Variants in OCLN observed in about 807,000 individuals in gnomAD.
OCLN encodes phosphatase 1, regulatory subunit 115.
Under a neutral mutation model 47.9 loss-of-function variants are expected in OCLN, and 21 were observed. The ratio of observed to expected loss-of-function variants is 0.44; its 90% CI spans 0.31 to 0.63. The LOEUF is 0.63. Ranked by LOEUF, OCLN falls within the 30% of genes least tolerant of loss-of-function variation. The probability of loss-of-function intolerance (pLI) is 0.08; values close to 1 mark genes in which losing one functional copy is unlikely to be tolerated. For missense variants in OCLN, 360 were observed against 571.0 expected (o/e 0.63, Z 3.77); for synonymous variants, 117 against 198.4 (o/e 0.59, Z 3.45).
chr5:69,549,981 T>G (rs1769820847), intron 7 of OCLN, among the ~76,000 whole-genome samples: 1 of 129,932 alleles, frequency 7.7e-6, no homozygotes, highest in Non-Finnish European at 1.5e-5. Flanking sequence ...AACAGCAAGT[T>G]TTTTTTTTTA....
chr5:69,549,096 C>T (rs1769785826), intron 7 of OCLN, among the ~76,000 whole-genome samples: 1 of 149,416 alleles, frequency 6.7e-6, no homozygotes, highest in Admixed American at 6.7e-5. Flanking sequence ...TTTGGGAGGC[C>T]GAGGTGGGCG....
chr5:69,511,045 T>C (rs1229426519), intron 3 of OCLN, among the ~76,000 whole-genome samples: 2 of 152,166 alleles, frequency 1.3e-5, no homozygotes, highest in African/African-American at 2.4e-5. Flanking sequence ...TTCTCTCTTA[T>C]CTTTGGAGAA....
chr5:69,531,457 T>C (rs2112051940), intron 4 of OCLN, among the ~76,000 whole-genome samples: 1 of 152,326 alleles, frequency 6.6e-6, no homozygotes, highest in African/African-American at 2.4e-5. Flanking sequence ...CCTAGAGAAG[T>C]ATAAAATGGG....
chr5:69,522,894 C>CTTTTTCTTTTTTT (rs1769179164), intron 4 of OCLN, among the ~76,000 whole-genome samples: 1 of 116,890 alleles, frequency 8.6e-6, no homozygotes, highest in Admixed American at 9.1e-5. Context: ...GCCTGGCTGA[C>CTTTTTCTTTTTTT]TTTTTTTTTT....
chr5:69,537,085 C>T (rs1769609743), intron 5 of OCLN, among the ~76,000 whole-genome samples: 1 of 150,652 alleles, frequency 6.6e-6, no homozygotes, highest in Admixed American at 6.6e-5. Context: ...CATACTTGAG[C>T]CCGGGAGCTC....
At position 69,504,239 on chromosome 5, in the gene OCLN, T is replaced by C; in HGVS notation, c.-6T>C. ...CTGAAGATCAGCTGACCATTGACAA[T>C]CAGCCATGTCATCCAGGCCTCTTGA... On this transcript the variant is annotated 5_prime_UTR_variant, in exon 2 of 9. Coordinates refer to ENST00000396442, the MANE Select transcript of OCLN (RefSeq NM_001205254.2). 6.2e-7 allele frequency: 1 copy of C among 1,605,470 alleles called. No homozygotes were observed.
intron 4 of OCLN, among the ~76,000 whole-genome samples, chr5:69,532,824 C>T (rs1027421353): frequency 2.0e-5 from 3 of 151,696 alleles, no homozygotes; most frequent in South Asian, 2.1e-4. Context: ...AAAAATTAGC[C>T]GGGCATGTTG....
intron 3 of OCLN, among the ~76,000 whole-genome samples, chr5:69,510,239 T>G (rs1768742204): frequency 6.6e-6 from 1 of 152,218 alleles, no homozygotes. Context: ...TGTGATGGGC[T>G]TCTTTTACGT....
At chr5:69,513,377 AT>A (rs1437692278) in intron 3 of OCLN, among the ~76,000 whole-genome samples, 1 of 152,188 alleles carries the variant, frequency 6.6e-6, no homozygotes, top group Non-Finnish European at 1.5e-5. Flanking sequence ...TCATTAGTCA[AT>A]TTGCTATTTA....
intron 4 of OCLN, among the ~76,000 whole-genome samples, chr5:69,532,049 C>T (rs1222025983): frequency 4.6e-5 from 7 of 152,164 alleles, no homozygotes; most frequent in African/African-American, 1.7e-4. Flanking sequence ...TGAATTTTTA[C>T]TGTGTTTAAA....
intron 1 of OCLN, among the ~76,000 whole-genome samples, chr5:69,496,102 CTT>C (rs375038844): frequency 7.7e-5 from 11 of 143,110 alleles, no homozygotes; most frequent in Admixed American, 2.1e-4. Flanking sequence ...ACAACTTAAA[CTT>C]TTTTTTTTTT....
intron 4 of OCLN, among the ~76,000 whole-genome samples, chr5:69,521,912 A>G (rs947506849): frequency 1.3e-5 from 2 of 152,176 alleles, no homozygotes; most frequent in East Asian, 1.9e-4. Flanking sequence ...TTTCCTGACT[A>G]GAGTTTTTTA....
At chr5:69,515,715 GC>G (rs1561339823) in intron 4 of OCLN, among the ~76,000 whole-genome samples, 1 of 151,158 alleles carries the variant, frequency 6.6e-6, no homozygotes, top group Non-Finnish European at 1.5e-5. Context: ...TGGCTGCCGG[GC>G]GGAGGGGCTC....
At position 69,553,773 on chromosome 5, in the gene OCLN, T is replaced by C. The variant is rs532360226; in HGVS notation, c.*102T>C. On this transcript the variant is annotated 3_prime_UTR_variant, in exon 9 of 9. Coordinates refer to ENST00000396442, the MANE Select transcript of OCLN (RefSeq NM_001205254.2). ...ACCATAACCCCGGAAGCCAAACCTC[T>C]GTGAGCATCACAAAGTTTTGGTTGC... The C allele has an allele frequency of 1.9e-4, 302 of 1,580,934 alleles. 1 individual carries two copies. The African/African-American group carries it at 3.7e-3, about 19-fold the overall frequency.
In OCLN at chr5:69,515,787, G is replaced by A. The variant is rs556704720; in HGVS notation, c.891+1678G>A. On this transcript the variant is annotated intron_variant, in intron 4 of 8. Transcript: ENST00000396442. ...GTCTCCTCACTTCTCAGACGGGGCGGCTGGGCAGAGACGCTCCTCACCTCC... is the reference window on the plus strand; with the variant it reads ...GTCTCCTCACTTCTCAGACGGGGCGACTGGGCAGAGACGCTCCTCACCTCC... Among the ~76,000 whole-genome samples, 196 of 151,276 alleles carry A rather than the reference G, an allele frequency of 1.3e-3. 2 individuals are homozygous for A. The highest frequency in any genetic ancestry group is 4.5e-3 in the African/African-American group (185 of 41,216).
Position 69,493,133 on chromosome 5 carries a change from G to T in OCLN, c.-69+233G>T, listed in dbSNP as rs1206569057. Among the ~76,000 whole-genome samples the T allele has an allele frequency of 6.6e-6, 1 of 152,216 alleles. No homozygotes were observed. Among genetic ancestry groups the T allele is most frequent in the Non-Finnish European group, 1.5e-5 (1 of 68,032 alleles). ...CTGGGGCGAGGGGTGGCTTGGAGCC[G>T]CCGATCAAGCTTTATTCCGCGGAAA... is the stretch of plus-strand genomic sequence containing the variant. On this transcript the variant is annotated intron_variant, in intron 1 of 8. Coordinates refer to ENST00000396442, the MANE Select transcript of OCLN (RefSeq NM_001205254.2). This position sits in a 1 kb window ranked among gnomAD's most constrained non-coding sequence, Gnocchi z 5.3.
At chr5:69,505,874 T>C (rs1768584924) in intron 2 of OCLN, among the ~76,000 whole-genome samples, 1 of 152,194 alleles carries the variant, frequency 6.6e-6, no homozygotes, top group African/African-American at 2.4e-5. Context: ...AGCAACCAAG[T>C]AATCAGTTCT....
chr5:69,523,003 C>T (rs910971001), intron 4 of OCLN, among the ~76,000 whole-genome samples: 11 of 149,942 alleles, frequency 7.3e-5, no homozygotes, highest in African/African-American at 2.7e-4. Flanking sequence ...GCTGGGATTA[C>T]AGGTGTGAGC....
At chr5:69,513,904 GCA>G (rs1401227868) in intron 3 of OCLN, 42 bp from the exon 4 acceptor site, 2 of 1,499,682 alleles carry the variant, frequency 1.3e-6, no homozygotes, top group Non-Finnish European at 1.9e-6. Context: ...TTGTGATTAA[GCA>G]ATTAAAATCT....
Sources: gnomAD v4.1 joint callset for allele counts (sites outside exome capture counted in the v4.1 genomes callset) on GRCh38, gnomAD v4.1.1 for gene constraint, Gnocchi (gnomAD v3.1) non-coding constraint, MANE v1.5 for transcripts, NCBI Gene and HGNC (gene_info 2026-07-23, HGNC 2026-07-21) for gene names.